LARP4B: variants seen among roughly 807,000 people sequenced by gnomAD.
The protein encoded by LARP4B is la-related protein 4B.
Under a neutral mutation model 89.8 loss-of-function variants are expected in LARP4B, and 12 were observed. That is an observed-to-expected ratio of 0.13 (90% CI 0.09 to 0.22). LARP4B has a LOEUF of 0.22. Among genes scored for constraint, LARP4B ranks in the 10% least tolerant of loss-of-function variants. The pLI is 1.00. For missense variants in LARP4B, 757 were observed against 947.7 expected (o/e 0.80, Z 2.64); for synonymous variants, 367 against 363.3 (o/e 1.01, Z -0.12).
At chr10:938,963 G>A in the LARP4B span, among the ~76,000 whole-genome samples, 1 of 152,198 alleles carries the variant, frequency 6.6e-6, no homozygotes, top group East Asian at 1.9e-4. Context: ...CAAGTGGCGT[G>A]GTGAAAATTG....
At chr10:936,178 G>T (rs1024104003), upstream of LARP4B, among the ~76,000 whole-genome samples, 1 of 152,052 alleles carries the variant, frequency 6.6e-6, no homozygotes, top group Non-Finnish European at 1.5e-5. Context: ...GTACCTACGC[G>T]GTCTCAGGGA....
chr10:969,727 T>C, the LARP4B span, among the ~76,000 whole-genome samples: 1 of 151,578 alleles, frequency 6.6e-6, no homozygotes, highest in Admixed American at 6.6e-5. Context: ...AGACTCTGTC[T>C]CAAAAAAAAA....
intron 1 of LARP4B, among the ~76,000 whole-genome samples, chr10:911,207 A>G (rs138770228): frequency 6.6e-6 from 1 of 152,314 alleles, no homozygotes; most frequent in Non-Finnish European, 1.5e-5. Flanking sequence ...TTGGGGGAAA[A>G]GTTGGCTTTA....
upstream of LARP4B, among the ~76,000 whole-genome samples, chr10:933,565 G>A (rs1385932957): frequency 1.3e-5 from 2 of 152,182 alleles, no homozygotes; most frequent in Non-Finnish European, 1.5e-5. Context: ...GAATTTGCAA[G>A]TTAAATAATT....
the LARP4B span, among the ~76,000 whole-genome samples, chr10:941,307 T>TTTTGTTTGTTTG: frequency 0.041 from 6,167 of 151,712 alleles, 166 homozygotes; most frequent in Admixed American, 0.076. Context: ...GCTTACTTTG[T>TTTTGTTTGTTTG]TTTGTTTGTT....
At position 863,107 on chromosome 10, in the gene LARP4B, A is replaced by G. The variant is rs373097401; in HGVS notation, c.430+636T>C. On this transcript the variant is annotated intron_variant, in intron 5 of 17. Transcript: ENST00000316157. ...GGGGCCTCAATTGCCCCTACCTACA[A>G]TACCACAGCATTCCCTCTCTATCCC... Among the ~76,000 whole-genome samples the G allele has an allele frequency of 4.6e-4, 70 of 152,220 alleles. No individual in the cohort carries two copies. In the East Asian group the frequency reaches 0.013, roughly 28 times the overall value.
intron 1 of LARP4B, among the ~76,000 whole-genome samples, chr10:930,466 C>T (rs1249981113): frequency 6.6e-6 from 1 of 152,224 alleles, no homozygotes; most frequent in Non-Finnish European, 1.5e-5. Flanking sequence ...AGGTAGTTTT[C>T]TACAGCTAGG....
chr10:906,790 TG>T (rs1836504605), intron 1 of LARP4B, among the ~76,000 whole-genome samples: 2 of 152,332 alleles, frequency 1.3e-5, no homozygotes, highest in South Asian at 4.1e-4. Context: ...TTGACTCAGG[TG>T]CCCAAGGCAG....
intron 1 of LARP4B, among the ~76,000 whole-genome samples, chr10:908,110 G>C (rs572700049): frequency 1.5e-4 from 23 of 152,296 alleles, no homozygotes; most frequent in Admixed American, 7.8e-4. Flanking sequence ...GGAGGCTGAG[G>C]CAGGAGAAAT....
At position 810,969 on chromosome 10, in the gene LARP4B, A is replaced by C. The variant is rs1831725575; in HGVS notation, c.*1957T>G. ...GGCAGGGTCAATCATGCTTAGCTGCAGGTGATTTAAATTAGATTACTAGTC... is the reference window on the plus strand; with the variant it reads ...GGCAGGGTCAATCATGCTTAGCTGCCGGTGATTTAAATTAGATTACTAGTC... On this transcript the variant is annotated 3_prime_UTR_variant, in exon 18 of 18. Coordinates refer to ENST00000316157, the MANE Select transcript of LARP4B (RefSeq NM_015155.3). 6.6e-6 allele frequency: 1 copy of C among 152,238 alleles called. No individual in the cohort carries two copies. Among genetic ancestry groups the C allele is most frequent in the Non-Finnish European group, 1.5e-5 (1 of 68,044 alleles). The allele number at this position is 152,238 out of a possible 1,614,324, so 9.4% of individuals were successfully genotyped here.
downstream of LARP4B, chr10:808,194 C>T (rs1417272153): frequency 6.6e-6 from 1 of 152,242 alleles, no homozygotes; most frequent in Admixed American, 6.5e-5. Context: ...GTGGTCACTT[C>T]CATCCAGGGA....
chr10:971,208 G>C, the LARP4B span: 1 of 152,242 alleles, frequency 6.6e-6, no homozygotes, highest in Admixed American at 6.5e-5. Flanking sequence ...TCAAAGCAGG[G>C]AAAAGAAACT....
the LARP4B span, among the ~76,000 whole-genome samples, chr10:970,617 C>G: frequency 5.9e-5 from 9 of 152,114 alleles, no homozygotes; most frequent in Non-Finnish European, 1.2e-4. Flanking sequence ...TCTGGATCCT[C>G]GAATGGGTGA....
At chr10:983,824 A>G in the LARP4B span, among the ~76,000 whole-genome samples, 1 of 152,170 alleles carries the variant, frequency 6.6e-6, no homozygotes, top group East Asian at 1.9e-4. Flanking sequence ...AGATTTGGAG[A>G]CTATTTGTTA....
chr10:871,593 G>A (rs1194272760), intron 3 of LARP4B, among the ~76,000 whole-genome samples: 2 of 152,074 alleles, frequency 1.3e-5, no homozygotes, highest in Non-Finnish European at 2.9e-5. Context: ...GGCAGCAGGG[G>A]ACTTCTGGCC....
At chr10:942,942 CTTCTT>C in the LARP4B span, among the ~76,000 whole-genome samples, 356 of 148,628 alleles carry the variant, frequency 2.4e-3, 2 homozygotes, top group African/African-American at 8.5e-3. Context: ...TCCAAGCTGA[CTTCTT>C]TTTTTTTTTT....
the LARP4B span, among the ~76,000 whole-genome samples, chr10:953,989 C>T: frequency 2.6e-5 from 4 of 152,190 alleles, no homozygotes; most frequent in African/African-American, 4.8e-5. Flanking sequence ...AGGTGCAAGG[C>T]GGAGGCCAGG....
intron 12 of LARP4B, 24 bp downstream of exon 12, chr10:825,740 T>C: frequency 6.4e-7 from 1 of 1,558,320 alleles, no homozygotes; most frequent in Non-Finnish European, 8.8e-7. Flanking sequence ...AGACCAAAAC[T>C]GCTAAGACCG....
chr10:864,613 T>G (rs1834798520), intron 3 of LARP4B, among the ~76,000 whole-genome samples: 1 of 152,164 alleles, frequency 6.6e-6, no homozygotes, highest in Admixed American at 6.5e-5. Flanking sequence ...ATTCAGGGTT[T>G]TACAAACTTG....
Sources: gnomAD v4.1 joint callset for allele counts (sites outside exome capture counted in the v4.1 genomes callset) on GRCh38, gnomAD v4.1.1 for gene constraint, MANE v1.5 for transcripts, NCBI Gene and HGNC (gene_info 2026-07-23, HGNC 2026-07-21) for gene names.